UBE2G1: variants seen among roughly 807,000 people sequenced by gnomAD.
UBE2G1 encodes the protein ubiquitin conjugating enzyme E2 G1.
Under a neutral mutation model 22.7 loss-of-function variants are expected in UBE2G1, and 5 were observed. The ratio of observed to expected loss-of-function variants is 0.22; its 90% CI spans 0.12 to 0.46. The LOEUF is 0.46. UBE2G1 is among the 20% of genes least tolerant of loss of function. The pLI, the probability that UBE2G1 is intolerant of heterozygous loss-of-function variation, is 0.99. For missense variants in UBE2G1, 88 were observed against 203.9 expected, an observed-to-expected ratio of 0.43 and a Z score of 3.46; for synonymous variants, 74 against 67.5, an observed-to-expected ratio of 1.10 and a Z score of -0.47.
intron 2 of UBE2G1, chr17:4,301,677 G>A (rs1969181745): frequency 5.4e-6 from 4 of 736,166 alleles, no homozygotes; most frequent in African/African-American, 1.7e-5. Context: ...TTTGTTCTGG[G>A]TGGAATATTT....
intron 3 of UBE2G1, among the ~76,000 whole-genome samples, chr17:4,291,791 T>G (rs2143701496): frequency 6.6e-6 from 1 of 152,336 alleles, no homozygotes; most frequent in African/African-American, 2.4e-5. Flanking sequence ...GCTGTTTAAA[T>G]TTCATATATA....
intron 1 of UBE2G1, among the ~76,000 whole-genome samples, chr17:4,346,319 A>G (rs1969771136): frequency 6.6e-6 from 1 of 152,026 alleles, no homozygotes; most frequent in Non-Finnish European, 1.5e-5. Context: ...ATCCAGACTT[A>G]TACCGAAATA....
intron 1 of UBE2G1, among the ~76,000 whole-genome samples, chr17:4,329,553 CA>C (rs879347804): frequency 1.0e-3 from 134 of 132,620 alleles, no homozygotes; most frequent in Middle Eastern, 3.8e-3. Flanking sequence ...GACTCTGTCT[CA>C]AAAAAAAAAA....
At chr17:4,347,469 CTTTTTTTT>C (rs34014821) in intron 1 of UBE2G1, among the ~76,000 whole-genome samples, 4 of 89,558 alleles carry the variant, frequency 4.5e-5, no homozygotes, top group Admixed American at 2.9e-4. Context: ...AGTATTTCTT[CTTTTTTTT>C]TTTTTTTTTT....
chr17:4,291,373 A>AAC (rs1969038650), intron 3 of UBE2G1, among the ~76,000 whole-genome samples: 1 of 151,774 alleles, frequency 6.6e-6, no homozygotes, highest in Non-Finnish European at 1.5e-5. Flanking sequence ...AAAAAAAAAA[A>AAC]AAAGGAATAA....
intron 4 of UBE2G1, among the ~76,000 whole-genome samples, chr17:4,286,940 G>C (rs1293095121): frequency 6.6e-6 from 1 of 152,106 alleles, no homozygotes; most frequent in Non-Finnish European, 1.5e-5. Flanking sequence ...AGCTACTTGG[G>C]AGGCTAAGGC....
intron 1 of UBE2G1, among the ~76,000 whole-genome samples, chr17:4,315,830 G>A (rs1969363207): frequency 7.6e-6 from 1 of 131,014 alleles, no homozygotes; most frequent in Non-Finnish European, 1.6e-5. Flanking sequence ...TCCCTGAGAC[G>A]GAGTCTCGCT....
intron 1 of UBE2G1, among the ~76,000 whole-genome samples, chr17:4,310,513 A>G (rs1969297649): frequency 6.6e-6 from 1 of 152,228 alleles, no homozygotes; most frequent in African/African-American, 2.4e-5. Flanking sequence ...GAAATAGGGC[A>G]ATCAGTATGT....
intron 1 of UBE2G1, among the ~76,000 whole-genome samples, chr17:4,309,663 CAACCTTTTTCTAGAGA>C (rs1488681115): frequency 1.3e-5 from 2 of 152,158 alleles, no homozygotes; most frequent in Non-Finnish European, 2.9e-5. Flanking sequence ...ATCTCATTTC[CAACCTTTTTCTAGAGA>C]AACACCATTA....
intron 4 of UBE2G1, among the ~76,000 whole-genome samples, chr17:4,284,600 CA>C (rs575485437): frequency 4.0e-4 from 57 of 141,484 alleles, no homozygotes; most frequent in South Asian, 2.0e-3. Context: ...GAATCTGTCT[CA>C]AAAAAAAAAC....
chr17:4,286,939 G>T (rs1356612337), intron 4 of UBE2G1, among the ~76,000 whole-genome samples: 1 of 152,054 alleles, frequency 6.6e-6, no homozygotes, highest in African/African-American at 2.4e-5. Flanking sequence ...CAGCTACTTG[G>T]GAGGCTAAGG....
intron 2 of UBE2G1, among the ~76,000 whole-genome samples, chr17:4,298,292 C>T (rs1196031978): frequency 6.6e-6 from 1 of 152,098 alleles, no homozygotes; most frequent in African/African-American, 2.4e-5. Context: ...CACCACTGCA[C>T]TGCACTCCAG....
At position 4,366,416 on chromosome 17, in the gene UBE2G1, C is replaced by A. The variant is rs924439174; in HGVS notation, c.-100G>T. ...GGGGTGTGCCGAGGAACCCGGGCCC[C>A]GCGACCGGAGCGCCGGAGCCGAGGA... On this transcript the variant is annotated 5_prime_UTR_variant, in exon 1 of 6. Transcript: ENST00000396981. 6 of 1,245,498 alleles carry A rather than the reference C, an allele frequency of 4.8e-6. No individual in the cohort carries two copies. The highest frequency in any genetic ancestry group is 1.6e-5 in the African/African-American group (1 of 63,860). 77.2% of individuals were successfully genotyped at this position (1,245,498 alleles called of 1,614,324 possible). A position where few individuals can be genotyped will look rare whatever the true frequency, so the allele number is the denominator to read the frequency against.
chr17:4,328,803 TGGGCG>T (rs1447061343), intron 1 of UBE2G1, among the ~76,000 whole-genome samples: 1 of 152,302 alleles, frequency 6.6e-6, no homozygotes, highest in East Asian at 1.9e-4. Flanking sequence ...ATGACAATGG[TGGGCG>T]GGGCGCGGTG....
intron 1 of UBE2G1, chr17:4,345,747 C>T: frequency 6.6e-6 from 1 of 152,168 alleles, no homozygotes; most frequent in East Asian, 1.9e-4. Context: ...CTACACAATT[C>T]TCATCTTACA....
At chr17:4,341,982 AGT>A (rs1969717827) in intron 1 of UBE2G1, among the ~76,000 whole-genome samples, 1 of 152,190 alleles carries the variant, frequency 6.6e-6, no homozygotes, top group East Asian at 1.9e-4. Context: ...CCCAAGACTT[AGT>A]CCTCAATCTT....
At chr17:4,351,925 A>T (rs1969848827) in intron 1 of UBE2G1, among the ~76,000 whole-genome samples, 2 of 152,168 alleles carry the variant, frequency 1.3e-5, no homozygotes, top group South Asian at 4.1e-4. Flanking sequence ...CCCTTCCAAA[A>T]GTTACAAAGA....
At chr17:4,319,158 A>C (rs992762665) in intron 1 of UBE2G1, among the ~76,000 whole-genome samples, 5 of 152,226 alleles carry the variant, frequency 3.3e-5, no homozygotes, top group South Asian at 2.1e-4. Context: ...AAAATGTCAT[A>C]AATCTATAAA....
intron 1 of UBE2G1, among the ~76,000 whole-genome samples, chr17:4,356,347 A>C (rs1969906240): frequency 6.6e-6 from 1 of 151,960 alleles, no homozygotes; most frequent in African/African-American, 2.4e-5. Flanking sequence ...GACAAGAGCG[A>C]AACTGTCTCA....
Sources: allele counts gnomAD v4.1 joint callset (sites outside exome capture counted in the v4.1 genomes callset), GRCh38; gene constraint gnomAD v4.1.1; transcripts MANE v1.5; gene names NCBI Gene and HGNC (gene_info 2026-07-23, HGNC 2026-07-21).